The following WDR3 variants were observed in gnomAD, a reference collection of about 807,000 sequenced individuals.
WDR3 encodes WD repeat-containing protein 3.
A neutral mutation model predicts 123.7 loss-of-function variants in WDR3; 81 were observed. The ratio of observed to expected loss-of-function variants is 0.65; its 90% confidence interval spans 0.55 to 0.79. WDR3 has a LOEUF of 0.79. WDR3 is among the 30% of genes least tolerant of loss of function. The probability of loss-of-function intolerance (pLI) is 0.00; values close to 1 mark genes in which losing one functional copy is unlikely to be tolerated. For missense variants in WDR3, 1,027 were observed against 1,123.2 expected (o/e 0.91, Z 1.22); for synonymous variants, 390 against 388.8 (o/e 1.00, Z -0.04).
Position 117,955,145 on chromosome 1 carries a change from G to A in WDR3, c.2410-170G>A. The A allele has an allele frequency of 1.2e-5, 6 of 517,138 alleles. No individual in the cohort carries two copies. In the South Asian group the frequency reaches 2.2e-4, roughly 19 times the overall value. The allele number at this position is 517,138 out of a possible 1,614,324, so 32.0% of individuals were successfully genotyped here. ...CATAGTTGGTAAGGGGCAGAGTTCAGTTGTCAACCCAGATCTGACTGACTC... is the reference window on the plus strand; with the variant it reads ...CATAGTTGGTAAGGGGCAGAGTTCAATTGTCAACCCAGATCTGACTGACTC... On this transcript the variant is annotated intron_variant, in intron 23 of 26. Coordinates refer to ENST00000349139, the MANE Select transcript of WDR3 (RefSeq NM_006784.3).
chr1:117,953,978 T>A, intron 21 of WDR3, 29 bp from the exon 22 acceptor site: 1 of 1,581,856 alleles, frequency 6.3e-7, no homozygotes, highest in Non-Finnish European at 8.6e-7. Context: ...TATGTTGTGA[T>A]GACTTCTTTC....
chr1:117,936,948 C>CT, intron 4 of WDR3, 61 bp downstream of exon 4: 1 of 1,434,820 alleles, frequency 7.0e-7, no homozygotes, highest in Non-Finnish European at 9.7e-7. Context: ...TGCTTTATTC[C>CT]TTACTCATTT....
In WDR3 at chr1:117,950,848, G is replaced by A. The variant is rs752655305; in HGVS notation, c.1761G>A (p.Leu587=). ...TTGATGTTTAGTTTTTTCTGTCACT[G>A]TATGGACACAAACTGCCTGTTATAT... The part of the protein sequence containing the change: ...YVDTLKFFLS[L]YGHKLPVICM... The change falls in exon 16 of 27, where the codon CTG becomes CTA. Residue 587 remains leucine, a synonymous_variant. Coordinates refer to ENST00000349139, the MANE Select transcript of WDR3 (RefSeq NM_006784.3). The A allele has an allele frequency of 6.2e-7, 1 of 1,608,580 alleles. No individual in the cohort carries two copies. Among genetic ancestry groups the A allele is most frequent in the Non-Finnish European group, 8.5e-7 (1 of 1,178,404 alleles).
intron 24 of WDR3, among the ~76,000 whole-genome samples, chr1:117,956,756 A>C (rs998692340): frequency 2.6e-5 from 4 of 152,226 alleles, no homozygotes; most frequent in Admixed American, 6.5e-5. Flanking sequence ...AATGGACTCA[A>C]TATATGGTAA....
Position 117,950,074 on chromosome 1 carries a change from T to C in WDR3, c.1690T>C (p.Leu564=). The C allele has an allele frequency of 6.2e-7, 1 of 1,614,030 alleles. No homozygotes were observed. Among genetic ancestry groups the C allele is most frequent in the Non-Finnish European group, 8.5e-7 (1 of 1,179,914 alleles). Residue 564 remains leucine (L), a synonymous_variant, in exon 15 of 27, where the codon TTG becomes CTG. Transcript: ENST00000349139. Reference sequence around the variant, plus strand: ...CAGTTACTCTCCCAATCAAAAGCTATTGGCTGTGTCTTTGCTGGACTGTAC... The same window carrying C: ...CAGTTACTCTCCCAATCAAAAGCTACTGGCTGTGTCTTTGCTGGACTGTAC... ...CVSYSPNQKL[L]AVSLLDCTVK...
In WDR3 at chr1:117,951,964, T is replaced by G; in HGVS notation, c.1804-12T>G. On this transcript the variant is annotated splice_polypyrimidine_tract_variant and intron_variant, in intron 16 of 26. Coordinates refer to ENST00000349139, the MANE Select transcript of WDR3 (RefSeq NM_006784.3). ...AAAAATCAAGGTAGTGTTTTACTTT[T>G]ATTTCTCATAGGATGGAGCACTCAT... 1.9e-6 allele frequency: 3 copies of G among 1,604,660 alleles called. No homozygotes were observed. Among genetic ancestry groups the G allele is most frequent in the Non-Finnish European group, 2.5e-6 (3 of 1,176,604 alleles).
intron 3 of WDR3, among the ~76,000 whole-genome samples, chr1:117,935,458 T>C (rs1650912195): frequency 6.6e-6 from 1 of 151,960 alleles, no homozygotes; most frequent in South Asian, 2.1e-4. Flanking sequence ...TCAATGCAAG[T>C]ACCAATGCAA....
Position 117,943,092 on chromosome 1 carries a change from A to G in WDR3, c.1098-304A>G, listed in dbSNP as rs545873046. Among the ~76,000 whole-genome samples the G allele has an allele frequency of 5.9e-5, 9 of 152,070 alleles. No individual in the cohort carries two copies. In the East Asian group the frequency reaches 1.8e-3, roughly 30 times the overall value. On this transcript the variant is annotated intron_variant, in intron 10 of 26. Transcript: ENST00000349139. The stretch of plus-strand genomic sequence containing the variant: ...CTCACCCTCCGCAGTAACTGGGATT[A>G]CAGACTTGTGCCACCACACTCAGCT...
At chr1:117,959,058 GA>G in intron 26 of WDR3, 55 bp downstream of exon 26, 1 of 1,542,348 alleles carries the variant, frequency 6.5e-7, no homozygotes, top group Non-Finnish European at 8.9e-7. Flanking sequence ...GTGTGATTTA[GA>G]AATAGTATAG....
intron 7 of WDR3, 87 bp from the exon 8 acceptor site, chr1:117,941,037 G>A: frequency 6.3e-7 from 1 of 1,576,768 alleles, no homozygotes; most frequent in East Asian, 2.2e-5. Flanking sequence ...GAATATTTTT[G>A]TCACTTGCAC....
At chr1:117,947,857 T>G (rs2101214043) in intron 12 of WDR3, among the ~76,000 whole-genome samples, 1 of 152,264 alleles carries the variant, frequency 6.6e-6, no homozygotes, top group East Asian at 1.9e-4. Flanking sequence ...AAATAGGAAT[T>G]TTAGAGTGAT....
chr1:117,938,436 T>A, intron 4 of WDR3, 44 bp from the exon 5 acceptor site: 1 of 1,547,798 alleles, frequency 6.5e-7, no homozygotes, highest in Non-Finnish European at 8.9e-7. Context: ...TTGAATGAGT[T>A]TTCCTAAACA....
chr1:117,953,586 C>A, intron 21 of WDR3, 45 bp downstream of exon 21: 1 of 1,586,164 alleles, frequency 6.3e-7, no homozygotes, highest in South Asian at 1.1e-5. Context: ...AATAAGATCT[C>A]AACTTTTTAG....
At position 117,958,786 on chromosome 1, in the gene WDR3, T is replaced by C. The variant is rs897448728; in HGVS notation, c.2583-124T>C. On this transcript the variant is annotated intron_variant, in intron 25 of 26. Coordinates refer to ENST00000349139, the MANE Select transcript of WDR3 (RefSeq NM_006784.3). ...CTTTGGCTTTTTTTTTTTTTTTTGC[T>C]CGAAACATTTCTATAATGTATATTT... 7.8e-6 allele frequency: 4 copies of C among 515,552 alleles called. No homozygotes were observed. In the African/African-American group the frequency reaches 8.1e-5, roughly 10 times the overall value. The allele number at this position is 515,552 out of a possible 1,614,324, so 31.9% of individuals were successfully genotyped here.
chr1:117,933,609 A>C (rs1428920566), intron 2 of WDR3, 119 bp downstream of exon 2: 1 of 1,375,770 alleles, frequency 7.3e-7, no homozygotes, highest in South Asian at 1.2e-5. Flanking sequence ...TGCCCTTAGA[A>C]GAAAAATCTT....
intron 25 of WDR3, 151 bp from the exon 26 acceptor site, chr1:117,958,759 T>C (rs1336591656): frequency 4.9e-6 from 3 of 611,404 alleles, no homozygotes; most frequent in East Asian, 5.7e-5. Flanking sequence ...AGAAAGAAAC[T>C]TCTTTGGCTT....
rs1651114690 is a variant in WDR3 at position 117,940,729 on chromosome 1, GACAACAACAACAACAACAACAAAACA to G, written c.676-79_676-54del. ...GGCGACAGAGTAAGACTCTGTCTCC[GACAACAACAACAACAACAACAAAACA>G]ACAACAACAACAACAACATGCCTCC... On this transcript the variant is annotated intron_variant, in intron 6 of 26. Coordinates refer to ENST00000349139, the MANE Select transcript of WDR3 (RefSeq NM_006784.3). The G allele has an allele frequency of 9.9e-6, 11 of 1,114,242 alleles. No homozygotes were observed. In the South Asian group the frequency reaches 1.0e-4, roughly 11 times the overall value. The allele number at this position is 1,114,242 out of a possible 1,614,324, so 69.0% of individuals were successfully genotyped here.
rs1339117025 is a variant in WDR3, at chr1:117,951,904, T to C, written c.1804-72T>C. Reference sequence around the variant, plus strand: ...ATGTGTTTGAAAGAAATGGGTTAAATATTCTGGTTAGCTTTTTATTCATAT... The same window carrying C: ...ATGTGTTTGAAAGAAATGGGTTAAACATTCTGGTTAGCTTTTTATTCATAT... On this transcript the variant is annotated intron_variant, in intron 16 of 26. Coordinates refer to ENST00000349139, the MANE Select transcript of WDR3 (RefSeq NM_006784.3). The C allele has an allele frequency of 4.3e-6, 6 of 1,386,330 alleles. No individual in the cohort carries two copies. In the East Asian group the frequency reaches 1.4e-4, roughly 32 times the overall value. 85.9% of individuals were successfully genotyped at this position (1,386,330 alleles called of 1,614,324 possible).
intron 24 of WDR3, among the ~76,000 whole-genome samples, chr1:117,955,682 A>C (rs541220739): frequency 6.6e-6 from 1 of 152,040 alleles, no homozygotes; most frequent in African/African-American, 2.4e-5. Flanking sequence ...ATGTACATAC[A>C]CAATTGGAAT....
Sources: allele counts gnomAD v4.1 joint callset (sites outside exome capture counted in the v4.1 genomes callset), GRCh38; gene constraint gnomAD v4.1.1; transcripts MANE v1.5; gene names NCBI Gene and HGNC (gene_info 2026-07-23, HGNC 2026-07-21).